Variants in HHIPL1 observed in about 807,000 individuals in gnomAD.
HHIPL1 encodes HHIP like 1, also known as HHIP-like protein 1.
HHIPL1 carries 43 observed loss-of-function variants against 61.8 expected under a neutral mutation model. That is an observed-to-expected ratio of 0.70 (90% CI 0.55 to 0.90). HHIPL1 has a LOEUF of 0.90. HHIPL1 is among the 40% of genes least tolerant of loss of function. HHIPL1 has a pLI of 0.00. For missense variants in HHIPL1, 1,056 were observed against 1,157.7 expected, an observed-to-expected ratio of 0.91 and a Z score of 1.28; for synonymous variants, 482 against 515.8, an observed-to-expected ratio of 0.93 and a Z score of 0.89.
the HHIPL1 span, among the ~76,000 whole-genome samples, chr14:99,639,781 C>T: frequency 6.6e-6 from 1 of 152,178 alleles, no homozygotes; most frequent in East Asian, 1.9e-4. Flanking sequence ...TCTGCCTCAG[C>T]CTCCTGAGTA....
the HHIPL1 span, among the ~76,000 whole-genome samples, chr14:99,615,712 GGAAAGAAAGAGAAA>G: frequency 6.7e-6 from 1 of 148,444 alleles, no homozygotes; most frequent in South Asian, 2.1e-4. Context: ...AAAGAAAGAA[GGAAAGAAAGAGAAA>G]GAAAGAAAGA....
chr14:99,663,878 G>A (rs1346235214), intron 6 of HHIPL1, among the ~76,000 whole-genome samples: 3 of 152,206 alleles, frequency 2.0e-5, no homozygotes, highest in Non-Finnish European at 4.4e-5. Context: ...TGGAATGTTG[G>A]AAATGCAGGC....
At chr14:99,642,911 G>A (rs2055771561), upstream of HHIPL1, among the ~76,000 whole-genome samples, 1 of 152,046 alleles carries the variant, frequency 6.6e-6, no homozygotes, top group Non-Finnish European at 1.5e-5. Context: ...AGAGATGTTT[G>A]GTCTTGATGT....
chr14:99,642,665 A>G (rs2055767879), upstream of HHIPL1, among the ~76,000 whole-genome samples: 1 of 151,842 alleles, frequency 6.6e-6, no homozygotes, highest in Non-Finnish European at 1.5e-5. Context: ...AGCTGGGACT[A>G]TAGGCGCCCA....
rs1360598851 is a variant in HHIPL1, at chr14:99,662,755, A to C, written c.1503-121A>C. On this transcript the variant is annotated intron_variant, in intron 5 of 8. Transcript: ENST00000330710. ...GGATATGTAGATGGATGGTGGAAGG[A>C]TGGAGGGAAGAAGGGAGGGAGGAAT... The C allele has an allele frequency of 5.5e-6, 5 of 902,776 alleles. No individual in the cohort carries two copies. The Admixed American group carries it at 1.0e-4, about 18-fold the overall frequency. The allele number at this position is 902,776 out of a possible 1,614,324, so 55.9% of individuals were successfully genotyped here. A position where few individuals can be genotyped will look rare whatever the true frequency, so the allele number is the denominator to read the frequency against.
intron 6 of HHIPL1, among the ~76,000 whole-genome samples, chr14:99,666,190 C>T (rs73348569): frequency 0.066 from 9,978 of 152,212 alleles, 1,064 homozygotes; most frequent in African/African-American, 0.23. Flanking sequence ...CTGGTTTCTA[C>T]GATCTGCCAT....
At chr14:99,630,327 G>A in the HHIPL1 span, among the ~76,000 whole-genome samples, 1,788 of 152,302 alleles carry the variant, frequency 0.012, 44 homozygotes, top group African/African-American at 0.041. Context: ...TGCAGTCCCT[G>A]TCATTCCATC....
chr14:99,626,278 G>GTC, the HHIPL1 span, among the ~76,000 whole-genome samples: 4 of 152,026 alleles, frequency 2.6e-5, no homozygotes, highest in African/African-American at 9.7e-5. Flanking sequence ...GTGTGTGTGT[G>GTC]TGTGTGTGTG....
chr14:99,627,195 CCCATCCATCCATCCATCCATCCAT>C, the HHIPL1 span, among the ~76,000 whole-genome samples: 1 of 147,456 alleles, frequency 6.8e-6, no homozygotes, highest in African/African-American at 2.5e-5. This position sits in a 1 kb window ranked among gnomAD's most constrained non-coding sequence, Gnocchi z 4.4. Flanking sequence ...CTTCTATCTT[CCCATCCATCCATCCATCCATCCAT>C]CCATCCATCC....
At chr14:99,666,735 G>A (rs1404303648) in intron 6 of HHIPL1, among the ~76,000 whole-genome samples, 1 of 152,182 alleles carries the variant, frequency 6.6e-6, no homozygotes, top group Non-Finnish European at 1.5e-5. Context: ...TTCTCAGCAG[G>A]GACATTCCAC....
At chr14:99,674,110 T>G (rs2056359011) in intron 8 of HHIPL1, among the ~76,000 whole-genome samples, 1 of 151,670 alleles carries the variant, frequency 6.6e-6, no homozygotes, top group Non-Finnish European at 1.5e-5. Flanking sequence ...CTTGGCCTTG[T>G]GCTGAGAGGC....
chr14:99,636,081 T>TC, the HHIPL1 span, among the ~76,000 whole-genome samples: 4 of 152,268 alleles, frequency 2.6e-5, no homozygotes, highest in Non-Finnish European at 5.9e-5. Context: ...TCCGGACCCC[T>TC]CCACTCTGTG....
intron 1 of HHIPL1, among the ~76,000 whole-genome samples, chr14:99,650,625 T>C (rs2055913952): frequency 6.6e-6 from 1 of 152,212 alleles, no homozygotes; most frequent in African/African-American, 2.4e-5. Flanking sequence ...GACATGATAC[T>C]TTGGGCTCCC....
chr14:99,634,428 A>C, the HHIPL1 span, among the ~76,000 whole-genome samples: 2 of 152,204 alleles, frequency 1.3e-5, no homozygotes, highest in Non-Finnish European at 2.9e-5. Flanking sequence ...TCGAGCAAAT[A>C]AATGAACCGG....
intron 1 of HHIPL1, among the ~76,000 whole-genome samples, chr14:99,645,894 C>G (rs1480712160): frequency 6.6e-6 from 1 of 152,118 alleles, no homozygotes; most frequent in Non-Finnish European, 1.5e-5. Flanking sequence ...GCAGTGAAAG[C>G]AGGGGGCCCT....
In HHIPL1 at chr14:99,675,415, G is replaced by A; in HGVS notation, c.2138G>A (p.Cys713Tyr). 1 of 1,531,356 alleles carries A rather than the reference G, an allele frequency of 6.5e-7. No homozygotes were observed. The highest frequency in any genetic ancestry group is 8.8e-7 in the Non-Finnish European group (1 of 1,142,560). 94.9% of individuals were successfully genotyped at this position (1,531,356 alleles called of 1,614,324 possible). The change falls in exon 9 of 9, where the codon TGT (cysteine) becomes TAT (tyrosine). Residue 713 changes from cysteine to tyrosine, a missense_variant. Transcript: ENST00000330710. The surrounding 1 kb of genome is among the most constrained non-coding windows in gnomAD (Gnocchi z 5.4). ...SWNISGAAVV[C>Y]RQLGFAYAVR... ...AACATCAGCGGCGCCGCCGTCGTGTGTCGCCAGCTGGGGTTTGCCTACGCC... is the reference window on the plus strand; with the variant it reads ...AACATCAGCGGCGCCGCCGTCGTGTATCGCCAGCTGGGGTTTGCCTACGCC...
chr14:99,637,862 G>A, the HHIPL1 span, among the ~76,000 whole-genome samples: 1 of 152,182 alleles, frequency 6.6e-6, no homozygotes, highest in East Asian at 1.9e-4. Context: ...AATGCCCAGA[G>A]AGGTCAAGGG....
upstream of HHIPL1, chr14:99,645,078 G>A: frequency 2.6e-6 from 2 of 782,846 alleles, no homozygotes; most frequent in Non-Finnish European, 3.5e-6. Flanking sequence ...CCTCCTAGAA[G>A]GGGAGGTCCC....
At chr14:99,635,947 G>T in the HHIPL1 span, among the ~76,000 whole-genome samples, 1 of 152,174 alleles carries the variant, frequency 6.6e-6, no homozygotes, top group South Asian at 2.1e-4. Context: ...GTCTCAGAGG[G>T]TCTCGGCCAG....
Sources: allele counts gnomAD v4.1 joint callset (sites outside exome capture counted in the v4.1 genomes callset), GRCh38; gene constraint gnomAD v4.1.1; non-coding constraint Gnocchi (gnomAD v3.1); transcripts MANE v1.5; gene names NCBI Gene and HGNC (gene_info 2026-07-23, HGNC 2026-07-21).